LRMDA: variants seen among roughly 807,000 people sequenced by gnomAD.
LRMDA encodes leucine-rich melanocyte differentiation-associated protein.
LRMDA carries 18 observed loss-of-function variants against 29.8 expected under a neutral mutation model. The ratio of observed to expected loss-of-function variants is 0.60; its 90% CI spans 0.42 to 0.90. The LOEUF is 0.90. Ranked by LOEUF, LRMDA falls within the 40% of genes least tolerant of loss-of-function variation. LRMDA has a pLI of 0.00. For missense variants in LRMDA, 273 were observed against 273.9 expected (o/e 1.00, Z 0.02); for synonymous variants, 125 against 109.4 (o/e 1.14, Z -0.89).
At chr10:75,690,906 G>A (rs1381941878) in intron 2 of LRMDA, among the ~76,000 whole-genome samples, 4 of 149,760 alleles carry the variant, frequency 2.7e-5, no homozygotes, top group African/African-American at 9.8e-5. Context: ...CCAGGAGTTT[G>A]AGGCTGCAGT....
intron 6 of LRMDA, among the ~76,000 whole-genome samples, chr10:76,345,465 T>C (rs1841095385): frequency 6.7e-6 from 1 of 148,220 alleles, no homozygotes; most frequent in Admixed American, 6.7e-5. Context: ...TAGATATATA[T>C]TTATTTTATA....
chr10:75,518,267 A>G (rs1190682877), intron 2 of LRMDA, among the ~76,000 whole-genome samples: 4 of 152,192 alleles, frequency 2.6e-5, no homozygotes, highest in African/African-American at 7.2e-5. Flanking sequence ...GAATAGTTTC[A>G]GAAGGAATGG....
intron 5 of LRMDA, among the ~76,000 whole-genome samples, chr10:76,103,066 T>C (rs1194573992): frequency 2.0e-5 from 3 of 152,194 alleles, no homozygotes; most frequent in Admixed American, 1.3e-4. Context: ...CTCCTTTGAC[T>C]ATAATTTTTG....
At chr10:76,186,755 G>A (rs1851157628) in intron 5 of LRMDA, among the ~76,000 whole-genome samples, 1 of 152,176 alleles carries the variant, frequency 6.6e-6, no homozygotes, top group South Asian at 2.1e-4. Context: ...GATAGACTCA[G>A]TCCCTGCCCT....
intron 6 of LRMDA, among the ~76,000 whole-genome samples, chr10:76,461,412 G>T (rs1842510585): frequency 6.6e-6 from 1 of 152,138 alleles, no homozygotes; most frequent in South Asian, 2.1e-4. Flanking sequence ...AGCAGGCTAT[G>T]AGCACTGAGA....
intron 5 of LRMDA, among the ~76,000 whole-genome samples, chr10:76,308,064 T>C (rs1337006912): frequency 6.6e-6 from 1 of 152,160 alleles, no homozygotes; most frequent in Non-Finnish European, 1.5e-5. Context: ...GTGACTTAAA[T>C]TTCATTTTCT....
intron 2 of LRMDA, among the ~76,000 whole-genome samples, chr10:75,944,922 G>A (rs1296462275): frequency 6.6e-6 from 1 of 151,606 alleles, no homozygotes; most frequent in Non-Finnish European, 1.5e-5. Flanking sequence ...GCTTATTACA[G>A]CTACTTTAAA....
intron 2 of LRMDA, among the ~76,000 whole-genome samples, chr10:75,672,532 TCCCCTCCCCTCCCCTCCCCTC>T (rs1841906409): frequency 1.4e-4 from 1 of 7,016 alleles, no homozygotes; most frequent in African/African-American, 9.6e-4. Context: ...TTTCCTCCCC[TCCCCTCCCCTCCCCTCCCCTC>T]CCCTCCCCTC....
chr10:75,717,867 A>G (rs562334937), intron 2 of LRMDA, among the ~76,000 whole-genome samples: 2 of 152,314 alleles, frequency 1.3e-5, no homozygotes, highest in South Asian at 4.1e-4. Context: ...CGAGTAGTTC[A>G]TTAGTTCAGC....
chr10:75,855,071 G>T (rs1393684820), intron 2 of LRMDA, among the ~76,000 whole-genome samples: 1 of 152,076 alleles, frequency 6.6e-6, no homozygotes, highest in African/African-American at 2.4e-5. Flanking sequence ...CTAATCCTTT[G>T]GGTATATACC....
chr10:75,720,082 G>A (rs1842547548), intron 2 of LRMDA, among the ~76,000 whole-genome samples: 1 of 152,116 alleles, frequency 6.6e-6, no homozygotes, highest in African/African-American at 2.4e-5. Flanking sequence ...ACTTAACCCT[G>A]AATTACCATA....
At chr10:76,375,286 G>T (rs149066483) in intron 6 of LRMDA, among the ~76,000 whole-genome samples, 2 of 148,820 alleles carry the variant, frequency 1.3e-5, no homozygotes, top group East Asian at 3.9e-4. Context: ...CAGAAAAAAA[G>T]GACTTATGTT....
intron 2 of LRMDA, among the ~76,000 whole-genome samples, chr10:75,913,723 A>T (rs1254429718): frequency 1.3e-5 from 2 of 152,160 alleles, no homozygotes; most frequent in Non-Finnish European, 2.9e-5. Context: ...GAGAAGCTCG[A>T]GGGCACAATG....
intron 2 of LRMDA, among the ~76,000 whole-genome samples, chr10:75,998,156 G>A (rs937780141): frequency 2.0e-5 from 3 of 152,124 alleles, no homozygotes; most frequent in Admixed American, 6.5e-5. Flanking sequence ...GAAGTGTCCC[G>A]TTTGTAAAGC....
In LRMDA at chr10:75,896,454, A is replaced by G. The variant is rs185099605; in HGVS notation, c.132-139554A>G. ...TTTTAATTGTGATTTTCTCCTCTTC[A>G]TTGCCTCTTGCCTCTGAAACATTTA... is the stretch of plus-strand genomic sequence containing the variant. On this transcript the variant is annotated intron_variant, in intron 2 of 6. Coordinates refer to ENST00000611255, the MANE Select transcript of LRMDA (RefSeq NM_001305581.2). 5.8e-4 allele frequency among the ~76,000 whole-genome samples: 88 copies of G among 152,222 alleles called. No homozygotes were observed. In the Middle Eastern group the frequency reaches 0.01, roughly 18 times the overall value.
intron 2 of LRMDA, among the ~76,000 whole-genome samples, chr10:75,766,132 C>T (rs766800929): frequency 1.3e-5 from 2 of 152,226 alleles, no homozygotes; most frequent in South Asian, 2.1e-4. Context: ...TGGGTGTTCA[C>T]CTTAGGGAAT....
At chr10:75,495,532 TC>T (rs1408126345) in intron 2 of LRMDA, among the ~76,000 whole-genome samples, 8 of 152,298 alleles carry the variant, frequency 5.3e-5, no homozygotes. Flanking sequence ...TGGGAATGGT[TC>T]TTGGAAGCCT....
intron 2 of LRMDA, among the ~76,000 whole-genome samples, chr10:75,754,083 T>G (rs1438562861): frequency 1.3e-5 from 2 of 152,248 alleles, no homozygotes; most frequent in African/African-American, 2.4e-5. Flanking sequence ...CTTCTGTATA[T>G]GCACATTCCT....
At chr10:76,524,018 G>A (rs1564566414) in intron 6 of LRMDA, among the ~76,000 whole-genome samples, 1 of 152,118 alleles carries the variant, frequency 6.6e-6, no homozygotes, top group African/African-American at 2.4e-5. Context: ...TAATCTTCCC[G>A]CTGTCCCTGG....
Sources: gnomAD v4.1 joint callset for allele counts (sites outside exome capture counted in the v4.1 genomes callset) on GRCh38, gnomAD v4.1.1 for gene constraint, MANE v1.5 for transcripts, NCBI Gene and HGNC (gene_info 2026-07-23, HGNC 2026-07-21) for gene names.